CMIP: variants seen among roughly 807,000 people sequenced by gnomAD.
CMIP encodes the protein C-Maf-inducing protein.
A neutral mutation model predicts 97.3 loss-of-function variants in CMIP; 13 were observed. The ratio of observed to expected loss-of-function variants is 0.13; its 90% CI spans 0.09 to 0.21. CMIP has a LOEUF of 0.21. Among genes scored for constraint, CMIP ranks in the 10% least tolerant of loss-of-function variants. The pLI is 1.00. For synonymous variants in CMIP, 538 were observed against 436.3 expected (o/e 1.23, Z -2.91); for missense variants, 847 against 1,024.9 (o/e 0.83, Z 2.37).
intron 10 of CMIP, among the ~76,000 whole-genome samples, chr16:81,688,666 T>C (rs1905701650): frequency 6.6e-6 from 1 of 152,226 alleles, no homozygotes; most frequent in African/African-American, 2.4e-5. Context: ...AACTCTGTTT[T>C]TTTTTAATAT....
intron 10 of CMIP, among the ~76,000 whole-genome samples, chr16:81,681,020 G>A (rs1904822571): frequency 1.3e-5 from 2 of 152,166 alleles, no homozygotes; most frequent in Admixed American, 1.3e-4. Context: ...CCCCCTGCCT[G>A]CCCGCATCAC....
chr16:81,642,843 T>G (rs1055610249), intron 3 of CMIP, among the ~76,000 whole-genome samples: 2 of 151,848 alleles, frequency 1.3e-5, no homozygotes, highest in Admixed American at 6.6e-5. Flanking sequence ...TTGCAATGAG[T>G]TGAGATCGCA....
intron 19 of CMIP, among the ~76,000 whole-genome samples, chr16:81,706,334 C>A (rs1439025813): frequency 1.3e-5 from 2 of 152,154 alleles, no homozygotes; most frequent in East Asian, 3.9e-4. Context: ...AAGGGGGAGG[C>A]ACCCTGAGCA....
chr16:81,645,629 G>T, intron 3 of CMIP: 1 of 1,535,252 alleles, frequency 6.5e-7, no homozygotes, highest in Non-Finnish European at 8.7e-7. Context: ...AGCAGAGAGG[G>T]TGAGGACAGC....
At chr16:81,644,801 A>C (rs2092344976) in intron 3 of CMIP, among the ~76,000 whole-genome samples, 1 of 152,154 alleles carries the variant, frequency 6.6e-6, no homozygotes, top group Admixed American at 6.5e-5. Flanking sequence ...CTTTTAAGAA[A>C]ATTCCAAGGC....
At chr16:81,671,793 G>T (rs923823263) in intron 8 of CMIP, among the ~76,000 whole-genome samples, 173 bp from the exon 9 acceptor site, 2 of 152,216 alleles carry the variant, frequency 1.3e-5, no homozygotes, top group Non-Finnish European at 2.9e-5. Flanking sequence ...GGCACAGCCG[G>T]GGCCCAAATC....
At chr16:81,648,790 A>G (rs2092394473) in intron 3 of CMIP, among the ~76,000 whole-genome samples, 10 of 28,384 alleles carry the variant, frequency 3.5e-4, no homozygotes, top group Admixed American at 4.7e-4. Context: ...CTCAGAAAAA[A>G]AAAAAAAAAA....
intron 1 of CMIP, among the ~76,000 whole-genome samples, chr16:81,560,498 G>A (rs1169914270): frequency 5.3e-5 from 8 of 152,158 alleles, no homozygotes; most frequent in Non-Finnish European, 7.4e-5. Flanking sequence ...GATTACAGGC[G>A]TGAGCCACTG....
At chr16:81,532,409 T>C (rs74029170) in intron 1 of CMIP, among the ~76,000 whole-genome samples, 3 of 152,234 alleles carry the variant, frequency 2.0e-5, no homozygotes, top group Non-Finnish European at 2.9e-5. Flanking sequence ...AAAAATTTCC[T>C]GAATGACCTT....
At chr16:81,593,258 C>G (rs1042223928) in intron 1 of CMIP, among the ~76,000 whole-genome samples, 5 of 152,136 alleles carry the variant, frequency 3.3e-5, no homozygotes, top group African/African-American at 1.2e-4. Context: ...AGAAGGGTGC[C>G]TGGAGGGTCT....
At chr16:81,468,862 A>G (rs1339658843) in intron 1 of CMIP, among the ~76,000 whole-genome samples, 2 of 152,220 alleles carry the variant, frequency 1.3e-5, no homozygotes, top group African/African-American at 2.4e-5. Flanking sequence ...CACACGCTCC[A>G]TAGGCCTCAG....
intron 15 of CMIP, 64 bp downstream of exon 15, chr16:81,699,865 G>A: frequency 8.6e-7 from 1 of 1,156,896 alleles, no homozygotes. Flanking sequence ...CGTGCCGATA[G>A]AGCATCTGCT....
rs1905773044 is a variant in CMIP at position 81,445,518 on chromosome 16, G to A, written c.277G>A (p.Asp93Asn). 6 of 1,550,190 alleles carry A rather than the reference G, an allele frequency of 3.9e-6. No homozygotes were observed. Among genetic ancestry groups the A allele is most frequent in the South Asian group, 1.2e-5 (1 of 84,122 alleles). ...RWEPHHLTLA[D>N]NSLASATPTG... ...GGAGCCGCACCACCTAACGCTGGCC[G>A]ACAACAGCCTGGCGTCCGCCACGGT... Residue 93 changes from aspartate to asparagine, a missense_variant, in exon 1 of 21, where the codon GAC (aspartate) becomes AAC (asparagine). Transcript: ENST00000537098.
At chr16:81,646,534 C>T (rs1413550643) in intron 3 of CMIP, among the ~76,000 whole-genome samples, 1 of 152,188 alleles carries the variant, frequency 6.6e-6, no homozygotes, top group Non-Finnish European at 1.5e-5. Context: ...GTACACAATT[C>T]AGTGATCTTA....
intron 1 of CMIP, among the ~76,000 whole-genome samples, chr16:81,553,226 C>T (rs1013471344): frequency 3.9e-5 from 6 of 152,200 alleles, no homozygotes. Context: ...CCATTCCCGC[C>T]CACTGCTTTT....
chr16:81,593,897 C>A (rs796275961), intron 1 of CMIP, among the ~76,000 whole-genome samples: 42 of 152,218 alleles, frequency 2.8e-4, no homozygotes, highest in African/African-American at 9.9e-4. Flanking sequence ...CTGCAAACAC[C>A]CTTAAGGCAG....
At chr16:81,597,006 T>G (rs7195097) in intron 1 of CMIP, among the ~76,000 whole-genome samples, 101,752 of 152,122 alleles carry the variant, frequency 0.67, 34,216 homozygotes, top group Middle Eastern at 0.73. Context: ...TTCTCATCAT[T>G]TAGGCTTCTG....
At chr16:81,497,869 C>T (rs547546464) in intron 1 of CMIP, among the ~76,000 whole-genome samples, 2 of 152,370 alleles carry the variant, frequency 1.3e-5, no homozygotes, top group East Asian at 1.9e-4. Context: ...AGCGTGGGCT[C>T]CTGGGTCCCC....
intron 1 of CMIP, among the ~76,000 whole-genome samples, chr16:81,604,804 G>C (rs1254339884): frequency 6.6e-6 from 1 of 152,208 alleles, no homozygotes; most frequent in African/African-American, 2.4e-5. Context: ...GACAGCTAAG[G>C]CAGGGCATGT....
Sources: gnomAD v4.1 joint callset for allele counts (sites outside exome capture counted in the v4.1 genomes callset) on GRCh38, gnomAD v4.1.1 for gene constraint, MANE v1.5 for transcripts, NCBI Gene and HGNC (gene_info 2026-07-23, HGNC 2026-07-21) for gene names.